Variants in ZNF423 observed in about 807,000 individuals in gnomAD.
The protein encoded by ZNF423 is zinc finger protein 423, also known as Ebf-associated zinc finger protein.
Under a neutral mutation model 95.8 loss-of-function variants are expected in ZNF423, and 12 were observed. The ratio of observed to expected loss-of-function variants is 0.13; its 90% CI spans 0.08 to 0.20. The LOEUF (loss-of-function observed/expected upper bound fraction) is 0.20. Among genes scored for constraint, ZNF423 ranks in the 10% least tolerant of loss-of-function variants. ZNF423 has a pLI of 1.00. For synonymous variants in ZNF423, 749 were observed against 711.9 expected, an observed-to-expected ratio of 1.05 and a Z score of -0.83; for missense variants, 1,316 against 1,737.1, an observed-to-expected ratio of 0.76 and a Z score of 4.31.
intron 2 of ZNF423, among the ~76,000 whole-genome samples, chr16:49,731,585 G>A (rs1055463109): frequency 3.3e-5 from 5 of 152,036 alleles, no homozygotes; most frequent in African/African-American, 1.2e-4. Context: ...GACCAAGGTG[G>A]GAAAATTGCT....
chr16:49,739,624 G>T (rs1312618285), intron 2 of ZNF423, among the ~76,000 whole-genome samples: 1 of 151,716 alleles, frequency 6.6e-6, no homozygotes, highest in Non-Finnish European at 1.5e-5. Flanking sequence ...GGGAAAAACG[G>T]TCCAGGAAGA....
intron 1 of ZNF423, among the ~76,000 whole-genome samples, chr16:49,828,939 C>T (rs970280468): frequency 2.6e-5 from 4 of 152,212 alleles, no homozygotes; most frequent in African/African-American, 9.6e-5. Context: ...CCTTTCTAGC[C>T]TGGTTCCACT....
intron 3 of ZNF423, among the ~76,000 whole-genome samples, chr16:49,651,554 C>T (rs938163689): frequency 2.6e-5 from 4 of 152,158 alleles, no homozygotes; most frequent in African/African-American, 7.2e-5. Flanking sequence ...CCCAGCTCCC[C>T]CACTTACTAT....
intron 5 of ZNF423, among the ~76,000 whole-genome samples, chr16:49,597,543 T>C (rs1430363209): frequency 6.6e-6 from 1 of 152,208 alleles, no homozygotes; most frequent in African/African-American, 2.4e-5. Context: ...TTTTTAAATG[T>C]GGCTAGTAGA....
chr16:49,526,527 C>T (rs1238578197), intron 5 of ZNF423, among the ~76,000 whole-genome samples: 1 of 152,182 alleles, frequency 6.6e-6, no homozygotes, highest in Non-Finnish European at 1.5e-5. Context: ...GGCTCCTCAG[C>T]CCCACACAGC....
rs373059905 is a variant in ZNF423 at position 49,789,573 on chromosome 16, G to C, written c.41-27C>G. 3.7e-6 allele frequency: 6 copies of C among 1,606,952 alleles called. No individual in the cohort carries two copies. The Middle Eastern group carries it at 4.9e-4, about 133-fold the overall frequency. ...TGAAAGAGAGAACAGAGATGGGCCT[G>C]TGAGTTTGAAGGCTGTACAAATAGA... On this transcript the variant is annotated intron_variant, in intron 1 of 7. Transcript: ENST00000563137.
intron 7 of ZNF423, among the ~76,000 whole-genome samples, chr16:49,508,764 C>G (rs1967760629): frequency 6.6e-6 from 1 of 152,112 alleles, no homozygotes; most frequent in Admixed American, 6.5e-5. Context: ...TACTGGAAAT[C>G]CCCTCCCTGC....
rs1353321676 is a variant in ZNF423 at position 49,603,018 on chromosome 16, G to A, written c.3601+23152C>T. 6.6e-6 allele frequency among the ~76,000 whole-genome samples: 1 copy of A among 152,186 alleles called. No homozygotes were observed. The highest frequency in any genetic ancestry group is 6.5e-5 in the Admixed American group (1 of 15,286). On this transcript the variant is annotated intron_variant, in intron 5 of 7. Transcript: ENST00000563137. The surrounding 1 kb of genome is among the most constrained non-coding windows in gnomAD (Gnocchi z 4.1). ...TGGCACCTCGGTTTCGCAGAGAAAC[G>A]TGTCCCTGAAATGCCAAGGAGAAAG... is the stretch of plus-strand genomic sequence containing the variant.
chr16:49,550,319 T>A (rs1969589844), intron 5 of ZNF423, among the ~76,000 whole-genome samples: 1 of 152,244 alleles, frequency 6.6e-6, no homozygotes, highest in Admixed American at 6.5e-5. Context: ...CCCTTTTCCC[T>A]TTTCGTCCAT....
chr16:49,857,846 G>C (rs2035387834), upstream of ZNF423: 1 of 152,240 alleles, frequency 6.6e-6, no homozygotes, highest in African/African-American at 2.4e-5. This position sits in a 1 kb window ranked among gnomAD's most constrained non-coding sequence, Gnocchi z 6.2. Context: ...GGCGCCGCGC[G>C]TCCCCCGCAG....
intron 5 of ZNF423, among the ~76,000 whole-genome samples, chr16:49,607,800 A>G (rs956255320): frequency 6.6e-6 from 1 of 152,202 alleles, no homozygotes; most frequent in African/African-American, 2.4e-5. Context: ...TCCAAATGCT[A>G]CAATTCCACA....
chr16:49,769,960 G>A (rs917486630), intron 2 of ZNF423, among the ~76,000 whole-genome samples: 3 of 151,890 alleles, frequency 2.0e-5, no homozygotes, highest in South Asian at 2.1e-4. Context: ...CAACACAGCC[G>A]GCCCTCTCCT....
At chr16:49,676,012 G>GC (rs2151930585) in intron 3 of ZNF423, among the ~76,000 whole-genome samples, 1 of 152,290 alleles carries the variant, frequency 6.6e-6, no homozygotes, top group African/African-American at 2.4e-5. Context: ...ACCCCACAGT[G>GC]CCCCCTTCTC....
intron 5 of ZNF423, among the ~76,000 whole-genome samples, chr16:49,598,410 C>T (rs1181963300): frequency 6.6e-6 from 1 of 152,260 alleles, no homozygotes; most frequent in Non-Finnish European, 1.5e-5. Flanking sequence ...CTTTTACCAT[C>T]ATTATCATTT....
At chr16:49,601,491 A>G (rs1318342636) in intron 5 of ZNF423, among the ~76,000 whole-genome samples, 2 of 152,238 alleles carry the variant, frequency 1.3e-5, no homozygotes, top group African/African-American at 4.8e-5. Flanking sequence ...AACCTGGTTA[A>G]CATTGTGAAA....
chr16:49,837,370 C>G (rs1386851268), intron 1 of ZNF423, among the ~76,000 whole-genome samples: 1 of 152,144 alleles, frequency 6.6e-6, no homozygotes, highest in Non-Finnish European at 1.5e-5. Context: ...CCTCCCCAGA[C>G]CCCCACAACC....
intron 2 of ZNF423, among the ~76,000 whole-genome samples, chr16:49,749,866 T>C (rs920161950): frequency 1.3e-5 from 2 of 152,008 alleles, no homozygotes; most frequent in African/African-American, 4.8e-5. Flanking sequence ...ACCCTGGGAG[T>C]CTTTGCATTA....
At chr16:49,538,139 G>C (rs902781088) in intron 5 of ZNF423, among the ~76,000 whole-genome samples, 1 of 152,208 alleles carries the variant, frequency 6.6e-6, no homozygotes, top group Non-Finnish European at 1.5e-5. Context: ...GGCAGGGACA[G>C]GCAGAGGGGG....
At chr16:49,818,872 GC>G (rs972435769) in intron 1 of ZNF423, among the ~76,000 whole-genome samples, 4 of 152,054 alleles carry the variant, frequency 2.6e-5, no homozygotes, top group African/African-American at 9.7e-5. Flanking sequence ...GGGCAACAGG[GC>G]AAGACCCTGT....
Sources: gnomAD v4.1 joint callset for allele counts (sites outside exome capture counted in the v4.1 genomes callset) on GRCh38, gnomAD v4.1.1 for gene constraint, Gnocchi (gnomAD v3.1) non-coding constraint, MANE v1.5 for transcripts, NCBI Gene and HGNC (gene_info 2026-07-23, HGNC 2026-07-21) for gene names.